SLC36A1: variants seen among roughly 807,000 people sequenced by gnomAD.
SLC36A1 encodes solute carrier family 36 member 1.
In SLC36A1, 30 loss-of-function variants were observed where a neutral mutation model predicts 47.5. The ratio of observed to expected loss-of-function variants is 0.63; its 90% CI spans 0.47 to 0.86. SLC36A1 has a LOEUF of 0.86. Ranked by LOEUF, SLC36A1 falls within the 40% of genes least tolerant of loss-of-function variation. The probability of loss-of-function intolerance (pLI) is 0.00; values close to 1 mark genes in which losing one functional copy is unlikely to be tolerated. For missense variants in SLC36A1, 517 were observed against 606.0 expected (o/e 0.85, Z 1.54); for synonymous variants, 255 against 249.7 (o/e 1.02, Z -0.20).
chr5:151,507,601 C>T, the SLC36A1 span: 11 of 1,586,034 alleles, frequency 6.9e-6, no homozygotes, highest in South Asian at 1.1e-5. Context: ...CCCCTCGCCT[C>T]CATTTCACAC....
intron 7 of SLC36A1, 105 bp from the exon 8 acceptor site, chr5:151,473,568 C>CTTGGAT: frequency 1.4e-6 from 1 of 708,284 alleles, no homozygotes; most frequent in South Asian, 1.8e-5. Context: ...TTTAGAGAAT[C>CTTGGAT]TTGGATTTGT....
At chr5:151,513,187 T>C in the SLC36A1 span, among the ~76,000 whole-genome samples, 5 of 152,364 alleles carry the variant, frequency 3.3e-5, no homozygotes, top group Non-Finnish European at 5.9e-5. Flanking sequence ...CTATCTTCTA[T>C]TAAGCCAGGC....
the SLC36A1 span, among the ~76,000 whole-genome samples, chr5:151,351,151 T>A: frequency 6.6e-6 from 1 of 152,148 alleles, no homozygotes; most frequent in African/African-American, 2.4e-5. Flanking sequence ...TTTTATGATA[T>A]CATTTTATTG....
At chr5:151,436,564 A>G (rs77874366), upstream of SLC36A1, among the ~76,000 whole-genome samples, 7 of 151,656 alleles carry the variant, frequency 4.6e-5, no homozygotes, top group Non-Finnish European at 8.8e-5. Flanking sequence ...GTCACAGGAG[A>G]ACCCACAGAT....
rs1156521158 is a variant in SLC36A1, at chr5:151,489,888, A to G, written c.*1634A>G. 1 of 152,204 alleles carries G rather than the reference A, an allele frequency of 6.6e-6. No individual in the cohort carries two copies. Among genetic ancestry groups the G allele is most frequent in the African/African-American group, 2.4e-5 (1 of 41,434 alleles). 9.4% of individuals were successfully genotyped at this position (152,204 alleles called of 1,614,324 possible). A position where few individuals can be genotyped will look rare whatever the true frequency, so the allele number is the denominator to read the frequency against. ...CGTCACCAGGCTCTTGCTTCACTGC[A>G]GATACAGTTCACTCTGAAAGCTGGT... is the stretch of plus-strand genomic sequence containing the variant. On this transcript the variant is annotated 3_prime_UTR_variant, in exon 11 of 11. Transcript: ENST00000243389. The surrounding 1 kb of genome is among the most constrained non-coding windows in gnomAD (Gnocchi z 4.5).
the SLC36A1 span, among the ~76,000 whole-genome samples, chr5:151,371,715 A>C: frequency 0.04 from 6,070 of 152,088 alleles, 410 homozygotes; most frequent in African/African-American, 0.14. Flanking sequence ...TTTTAAAAAC[A>C]CTCTTCTTTT....
chr5:151,527,921 T>A, the SLC36A1 span: 2 of 1,553,918 alleles, frequency 1.3e-6, no homozygotes, highest in African/African-American at 2.7e-5. Flanking sequence ...TGACAGCGAT[T>A]CATCTTCTGG....
the SLC36A1 span, among the ~76,000 whole-genome samples, chr5:151,384,136 A>C: frequency 6.6e-6 from 1 of 152,266 alleles, no homozygotes; most frequent in African/African-American, 2.4e-5. Context: ...AAAATCTCCT[A>C]GTATGAGCTG....
At chr5:151,537,357 A>C in the SLC36A1 span, among the ~76,000 whole-genome samples, 1 of 149,984 alleles carries the variant, frequency 6.7e-6, no homozygotes, top group African/African-American at 2.4e-5. Flanking sequence ...AGAAAAAAGA[A>C]GGAAGGAAGG....
At chr5:151,528,547 C>T in the SLC36A1 span, among the ~76,000 whole-genome samples, 11 of 152,184 alleles carry the variant, frequency 7.2e-5, no homozygotes, top group Admixed American at 3.3e-4. Context: ...GAGGTTCTTT[C>T]GGGGCTGGAG....
chr5:151,472,870 T>G (rs1398704935), intron 7 of SLC36A1, among the ~76,000 whole-genome samples: 2 of 152,228 alleles, frequency 1.3e-5, no homozygotes, highest in Non-Finnish European at 2.9e-5. Context: ...ATTTTTACTT[T>G]TTAATAGTGC....
chr5:151,495,529 AT>A (rs1248698496), downstream of SLC36A1, among the ~76,000 whole-genome samples: 1 of 152,102 alleles, frequency 6.6e-6, no homozygotes, highest in African/African-American at 2.4e-5. Context: ...ACAGATACTC[AT>A]TTGTGTGTGT....
the SLC36A1 span, chr5:151,525,861 G>T: frequency 6.1e-5 from 98 of 1,614,086 alleles, no homozygotes; most frequent in Admixed American, 1.4e-3. Context: ...AGGCAGAGCC[G>T]TTGTTCCCCT....
At chr5:151,459,066 G>T in intron 2 of SLC36A1, 131 bp downstream of exon 2, 9 of 1,002,074 alleles carry the variant, frequency 9.0e-6, no homozygotes, top group Non-Finnish European at 1.1e-5. Context: ...GAGATTGGGC[G>T]AGTGACTGCG....
the SLC36A1 span, among the ~76,000 whole-genome samples, chr5:151,507,900 C>T: frequency 1.3e-5 from 2 of 152,156 alleles, no homozygotes; most frequent in African/African-American, 4.8e-5. Context: ...ATCATGAGGT[C>T]GGATTTCCTC....
At chr5:151,361,653 G>C in the SLC36A1 span, among the ~76,000 whole-genome samples, 2 of 151,940 alleles carry the variant, frequency 1.3e-5, no homozygotes, top group Non-Finnish European at 2.9e-5. Flanking sequence ...GGTTTGTCTG[G>C]GTACTTACTT....
At chr5:151,479,945 C>T (rs766941789) in intron 10 of SLC36A1, 29 of 603,644 alleles carry the variant, frequency 4.8e-5, no homozygotes, top group Non-Finnish European at 8.2e-5. Flanking sequence ...GTATTCTAGA[C>T]ATTTTTTAAT....
chr5:151,552,007 G>A, the SLC36A1 span, among the ~76,000 whole-genome samples: 2 of 151,720 alleles, frequency 1.3e-5, no homozygotes, highest in Non-Finnish European at 2.9e-5. Flanking sequence ...GTGTGTGTGT[G>A]TGTGTGTAAA....
the SLC36A1 span, among the ~76,000 whole-genome samples, chr5:151,508,341 C>A: frequency 1.3e-5 from 2 of 152,304 alleles, no homozygotes; most frequent in East Asian, 3.9e-4. Flanking sequence ...TGTGAAATGT[C>A]CTCCCAACAC....
Sources: gnomAD v4.1 joint callset for allele counts (sites outside exome capture counted in the v4.1 genomes callset) on GRCh38, gnomAD v4.1.1 for gene constraint, Gnocchi (gnomAD v3.1) non-coding constraint, MANE v1.5 for transcripts, NCBI Gene and HGNC (gene_info 2026-07-23, HGNC 2026-07-21) for gene names.